The following EPHB1 variants were observed in gnomAD, a reference collection of about 807,000 sequenced individuals.
EPHB1 encodes EPH receptor B1, also known as ephrin type-B receptor 1.
EPHB1 carries 30 observed loss-of-function variants against 94.4 expected under a neutral mutation model. The observed-to-expected ratio is 0.32, with a 90% CI of 0.24 to 0.43. The LOEUF is 0.43. Ranked by LOEUF, EPHB1 falls within the 20% of genes least tolerant of loss-of-function variation. The probability of loss-of-function intolerance (pLI) is 1.00; values close to 1 mark genes in which losing one functional copy is unlikely to be tolerated. For synonymous variants in EPHB1, 522 were observed against 489.1 expected, an observed-to-expected ratio of 1.07 and a Z score of -0.89; for missense variants, 1,055 against 1,308.3, an observed-to-expected ratio of 0.81 and a Z score of 2.99.
chr3:135,013,379 T>C (rs535221970), intron 3 of EPHB1, among the ~76,000 whole-genome samples: 2 of 152,280 alleles, frequency 1.3e-5, no homozygotes, highest in African/African-American at 4.8e-5. Context: ...TGCCTGCCTG[T>C]CAGGGGGAGT....
At chr3:134,913,178 G>C (rs1032355051) in intron 1 of EPHB1, among the ~76,000 whole-genome samples, 1 of 152,166 alleles carries the variant, frequency 6.6e-6, no homozygotes, top group Non-Finnish European at 1.5e-5. Flanking sequence ...GTTGTGCTAA[G>C]AGTGGGGAGG....
At chr3:134,896,872 A>G (rs1290389876) in intron 1 of EPHB1, among the ~76,000 whole-genome samples, 1 of 152,216 alleles carries the variant, frequency 6.6e-6, no homozygotes, top group Non-Finnish European at 1.5e-5. Context: ...AGGTTGGCGA[A>G]GGGTGAGCCT....
intron 3 of EPHB1, among the ~76,000 whole-genome samples, chr3:135,053,603 T>C (rs997832453): frequency 6.6e-6 from 1 of 152,226 alleles, no homozygotes; most frequent in Non-Finnish European, 1.5e-5. Flanking sequence ...TATGCATCTT[T>C]TGTTTTCTTG....
intron 3 of EPHB1, among the ~76,000 whole-genome samples, chr3:135,050,642 C>T (rs2081044598): frequency 2.0e-5 from 3 of 152,118 alleles, no homozygotes; most frequent in Admixed American, 1.3e-4. Flanking sequence ...GAGGTGTTTT[C>T]GTCATGGGGC....
At chr3:135,013,222 G>C (rs779116295) in intron 3 of EPHB1, among the ~76,000 whole-genome samples, 5 of 152,218 alleles carry the variant, frequency 3.3e-5, no homozygotes, top group Admixed American at 6.5e-5. Context: ...AAGGACAACA[G>C]TCCCACCCTC....
chr3:135,003,692 T>C lies in EPHB1; in HGVS notation c.805+51640T>C, dbSNP rs562406999. Among the ~76,000 whole-genome samples, 719 of 152,258 alleles carry C rather than the reference T, an allele frequency of 4.7e-3. 5 individuals carry two copies. Among genetic ancestry groups the C allele is most frequent in the African/African-American group, 0.017 (693 of 41,524 alleles). ...GGATAGTTAGCTCTTCTTGCTGAAT[T>C]GATCCCTTTACCATTATGTAATGGC... On this transcript the variant is annotated intron_variant, in intron 3 of 15. Transcript: ENST00000398015.
chr3:135,016,215 G>T (rs1935792052), intron 3 of EPHB1, among the ~76,000 whole-genome samples: 2 of 152,176 alleles, frequency 1.3e-5, no homozygotes, highest in Admixed American at 6.5e-5. Flanking sequence ...CAAGGTTTGG[G>T]TCACCTTAAA....
chr3:134,896,877 G>A (rs2038096018), intron 1 of EPHB1, among the ~76,000 whole-genome samples: 1 of 152,256 alleles, frequency 6.6e-6, no homozygotes, highest in Non-Finnish European at 1.5e-5. Context: ...GGCGAAGGGT[G>A]AGCCTAGTGG....
chr3:134,865,722 A>C (rs1170746074), intron 1 of EPHB1, among the ~76,000 whole-genome samples: 7 of 152,194 alleles, frequency 4.6e-5, no homozygotes. Flanking sequence ...TGCCAAGATG[A>C]ATAAAGTCAA....
chr3:134,914,076 T>G (rs1412949251), intron 1 of EPHB1, among the ~76,000 whole-genome samples: 1 of 151,966 alleles, frequency 6.6e-6, no homozygotes, highest in Admixed American at 6.5e-5. Flanking sequence ...GATGGCTAAG[T>G]TGGGTTTCTC....
At chr3:135,037,682 C>G (rs778719926) in intron 3 of EPHB1, among the ~76,000 whole-genome samples, 2 of 152,208 alleles carry the variant, frequency 1.3e-5, no homozygotes, top group Non-Finnish European at 2.9e-5. Context: ...TAAAAGTTTG[C>G]ACTGTATCTC....
chr3:134,988,230 C>G (rs1934671088), intron 3 of EPHB1, among the ~76,000 whole-genome samples: 1 of 152,156 alleles, frequency 6.6e-6, no homozygotes, highest in African/African-American at 2.4e-5. Flanking sequence ...GAATAACTGC[C>G]AGGCCAGAGG....
intron 3 of EPHB1, among the ~76,000 whole-genome samples, chr3:135,029,458 T>G (rs1286406660): frequency 6.8e-6 from 1 of 147,942 alleles, no homozygotes; most frequent in African/African-American, 2.4e-5. Flanking sequence ...GTCTATAAAG[T>G]ATTTTATTTC....
At chr3:135,250,552 T>C (rs2107732403) in intron 15 of EPHB1, among the ~76,000 whole-genome samples, 2 of 152,270 alleles carry the variant, frequency 1.3e-5, no homozygotes, top group Middle Eastern at 6.8e-3. Context: ...TGGTAAGATC[T>C]GAGCATAAGG....
chr3:134,912,306 A>G (rs1239414642), intron 1 of EPHB1, among the ~76,000 whole-genome samples: 1 of 152,188 alleles, frequency 6.6e-6, no homozygotes, highest in Non-Finnish European at 1.5e-5. Context: ...GCTGGGGCAA[A>G]CAGATTTAAT....
intron 10 of EPHB1, among the ~76,000 whole-genome samples, chr3:135,189,462 T>C (rs907658039): frequency 4.6e-5 from 7 of 152,232 alleles, no homozygotes; most frequent in Admixed American, 1.3e-4. Flanking sequence ...CAGAAGGACA[T>C]GCACTTGGTT....
At chr3:134,939,283 C>T (rs2039068992) in intron 2 of EPHB1, among the ~76,000 whole-genome samples, 1 of 151,988 alleles carries the variant, frequency 6.6e-6, no homozygotes, top group South Asian at 2.1e-4. Flanking sequence ...TATGGAAGCC[C>T]TTCCAAGGCA....
chr3:134,836,247 A>G (rs571905720), intron 1 of EPHB1, among the ~76,000 whole-genome samples: 1 of 152,366 alleles, frequency 6.6e-6, no homozygotes, highest in Non-Finnish European at 1.5e-5. Flanking sequence ...AGTCAATGCA[A>G]GGCATGATTT....
At chr3:134,918,485 T>C (rs1461029653) in intron 1 of EPHB1, among the ~76,000 whole-genome samples, 2 of 152,238 alleles carry the variant, frequency 1.3e-5, no homozygotes, top group Non-Finnish European at 1.5e-5. Context: ...TTTTTATTTC[T>C]GAATTTGTGT....
Sources: allele counts gnomAD v4.1 joint callset (sites outside exome capture counted in the v4.1 genomes callset), GRCh38; gene constraint gnomAD v4.1.1; transcripts MANE v1.5; gene names NCBI Gene and HGNC (gene_info 2026-07-23, HGNC 2026-07-21).